The following EYS variants were observed in gnomAD, a reference collection of about 807,000 sequenced individuals.
EYS encodes the protein EGF-like photoreceptor maintenance factor, also known as protein eyes shut homolog.
Under a neutral mutation model 282.1 loss-of-function variants are expected in EYS, and 250 were observed. That is an observed-to-expected ratio of 0.89 (90% CI 0.80 to 0.98). The LOEUF (loss-of-function observed/expected upper bound fraction) is 0.98. Ranked by LOEUF, EYS falls within the 50% of genes least tolerant of loss-of-function variation. EYS has a pLI of 0.00. For synonymous variants in EYS, 1,355 were observed against 1,282.9 expected (o/e 1.06, Z -1.20); for missense variants, 4,016 against 3,709.0 (o/e 1.08, Z -2.15).
intron 18 of EYS, among the ~76,000 whole-genome samples, chr6:64,896,668 C>A (rs1767480215): frequency 1.3e-5 from 2 of 151,938 alleles, no homozygotes; most frequent in Non-Finnish European, 2.9e-5. Context: ...CAGATCCCAC[C>A]CCCACAGAGC....
At chr6:64,723,240 C>G (rs1771646023) in intron 22 of EYS, among the ~76,000 whole-genome samples, 1 of 152,116 alleles carries the variant, frequency 6.6e-6, no homozygotes, top group South Asian at 2.1e-4. Context: ...TTGTCATTAT[C>G]CTTGTCAGTC....
chr6:64,608,715 A>G (rs1473260164), intron 24 of EYS, among the ~76,000 whole-genome samples: 1 of 152,160 alleles, frequency 6.6e-6, no homozygotes, highest in Non-Finnish European at 1.5e-5. Flanking sequence ...ACAATGGAAC[A>G]TTATTCAGCC....
intron 19 of EYS, among the ~76,000 whole-genome samples, chr6:64,834,044 C>T (rs1230415532): frequency 6.6e-6 from 1 of 151,802 alleles, no homozygotes; most frequent in African/African-American, 2.4e-5. Flanking sequence ...TAGGCACAGA[C>T]ACATTCTGAC....
intron 34 of EYS, among the ~76,000 whole-genome samples, chr6:63,996,119 G>C (rs1285434625): frequency 1.3e-5 from 2 of 151,888 alleles, no homozygotes; most frequent in Non-Finnish European, 2.9e-5. Flanking sequence ...AACGATATAT[G>C]TGTAGATATT....
rs920705868 is a variant in EYS at position 64,721,321 on chromosome 6, G to A, written c.3443+92057C>T. Among the ~76,000 whole-genome samples, 7 of 152,226 alleles carry A rather than the reference G, an allele frequency of 4.6e-5. No individual in the cohort carries two copies. In the South Asian group the frequency reaches 1.0e-3, roughly 23 times the overall value. On this transcript the variant is annotated intron_variant, in intron 22 of 42. Transcript: ENST00000503581. ...GGGCAGGAAGGTTCCAAAGGAAACT[G>A]CAATTTTAACTATGGTGGCCAGAGT...
At chr6:65,367,882 T>C (rs577938771) in intron 8 of EYS, among the ~76,000 whole-genome samples, 19 of 151,762 alleles carry the variant, frequency 1.3e-4, no homozygotes, top group Non-Finnish European at 1.9e-4. Flanking sequence ...AAAGGTAACA[T>C]TGGCATAGCA....
At chr6:64,118,255 G>T (rs984943795) in intron 31 of EYS, among the ~76,000 whole-genome samples, 1 of 152,050 alleles carries the variant, frequency 6.6e-6, no homozygotes, top group Non-Finnish European at 1.5e-5. Context: ...ATAAAACAAA[G>T]CTGGAGGCAT....
At chr6:64,515,462 A>T (rs1402527585) in intron 26 of EYS, among the ~76,000 whole-genome samples, 1 of 151,256 alleles carries the variant, frequency 6.6e-6, no homozygotes, top group Non-Finnish European at 1.5e-5. Flanking sequence ...CTGTCATTAA[A>T]TGTTAGTACT....
intron 11 of EYS, chr6:65,329,166 C>T (rs765043245): frequency 3.9e-4 from 71 of 181,504 alleles, no homozygotes; most frequent in Non-Finnish European, 5.5e-4. Flanking sequence ...AGCTATAATA[C>T]GGTCAAACTT....
At chr6:65,430,705 A>G (rs953524008) in intron 5 of EYS, among the ~76,000 whole-genome samples, 2 of 152,200 alleles carry the variant, frequency 1.3e-5, no homozygotes, top group Admixed American at 6.5e-5. Flanking sequence ...GCCACAGGAT[A>G]GGACACTGGT....
chr6:65,046,308 C>T (rs546765300), intron 13 of EYS, among the ~76,000 whole-genome samples: 1 of 151,778 alleles, frequency 6.6e-6, no homozygotes, highest in Non-Finnish European at 1.5e-5. Context: ...GAGACAGAAC[C>T]TCAGTAGAAT....
At chr6:64,205,408 T>C (rs1378033543) in intron 31 of EYS, among the ~76,000 whole-genome samples, 1 of 152,118 alleles carries the variant, frequency 6.6e-6, no homozygotes. Flanking sequence ...TTCATTAGCC[T>C]GACGATAATG....
At chr6:65,490,819 G>C in intron 4 of EYS, 112 bp from the exon 5 acceptor site, 1 of 693,116 alleles carries the variant, frequency 1.4e-6, no homozygotes, top group African/African-American at 1.8e-5. Context: ...TGTAATTTCA[G>C]TTATGAAACC....
intron 19 of EYS, among the ~76,000 whole-genome samples, chr6:64,832,186 A>G (rs1469054358): frequency 6.6e-6 from 1 of 151,938 alleles, no homozygotes; most frequent in Non-Finnish European, 1.5e-5. Flanking sequence ...TATAAACTTC[A>G]CACATTCATA....
At chr6:63,952,944 A>G (rs184351761) in intron 35 of EYS, among the ~76,000 whole-genome samples, 1 of 152,292 alleles carries the variant, frequency 6.6e-6, no homozygotes, top group Admixed American at 6.5e-5. Flanking sequence ...TTTACAGCCT[A>G]TAAACTCTCC....
At chr6:64,753,518 CAA>C (rs1485663655) in intron 22 of EYS, among the ~76,000 whole-genome samples, 1 of 144,380 alleles carries the variant, frequency 6.9e-6, no homozygotes, top group Non-Finnish European at 1.5e-5. Context: ...AAAAAAAAGA[CAA>C]AAGAGGTCAT....
chr6:64,480,229 T>G (rs1776396676), intron 26 of EYS, among the ~76,000 whole-genome samples: 1 of 151,914 alleles, frequency 6.6e-6, no homozygotes, highest in African/African-American at 2.4e-5. Flanking sequence ...ATTTTATTTC[T>G]TATGGGTGTG....
rs546123663 is a variant in EYS at position 64,989,122 on chromosome 6, A to G, written c.2259+8460T>C. On this transcript the variant is annotated intron_variant, in intron 14 of 42. Transcript: ENST00000503581. ...CATTTAATTTGTGTAACAATTCCACAGAGTACCTGCTATGAATATGTTTAT... is the reference window on the plus strand; with the variant it reads ...CATTTAATTTGTGTAACAATTCCACGGAGTACCTGCTATGAATATGTTTAT... Among the ~76,000 whole-genome samples, 88 of 151,392 alleles carry G rather than the reference A, an allele frequency of 5.8e-4. 1 individual carries two copies. The highest frequency in any genetic ancestry group is 2.1e-3 in the African/African-American group (88 of 41,430).
chr6:63,834,047 A>G (rs1771726986), intron 36 of EYS, among the ~76,000 whole-genome samples: 1 of 152,208 alleles, frequency 6.6e-6, no homozygotes, highest in African/African-American at 2.4e-5. Context: ...TACACCTTAT[A>G]CAAAAATTAA....
Sources: gnomAD v4.1 joint callset for allele counts (sites outside exome capture counted in the v4.1 genomes callset) on GRCh38, gnomAD v4.1.1 for gene constraint, MANE v1.5 for transcripts, NCBI Gene and HGNC (gene_info 2026-07-23, HGNC 2026-07-21) for gene names.